VPS13B: variants seen among roughly 807,000 people sequenced by gnomAD.
VPS13B encodes vacuolar protein sorting 13 homolog B, also known as intermembrane lipid transfer protein VPS13B.
VPS13B carries 285 observed loss-of-function variants against 426.4 expected under a neutral mutation model. The observed-to-expected ratio is 0.67, with a 90% CI of 0.61 to 0.74. The LOEUF (loss-of-function observed/expected upper bound fraction) is 0.74, where lower values mean the gene tolerates loss of function less well. VPS13B is among the 30% of genes least tolerant of loss of function. The pLI, the probability that VPS13B is intolerant of heterozygous loss-of-function variation, is 0.00. For missense variants in VPS13B, 4,537 were observed against 4,782.6 expected, an observed-to-expected ratio of 0.95 and a Z score of 1.51; for synonymous variants, 1,676 against 1,676.4, an observed-to-expected ratio of 1.00 and a Z score of 0.01.
intron 3 of VPS13B, among the ~76,000 whole-genome samples, chr8:99,072,494 C>T (rs1054172211): frequency 1.3e-5 from 2 of 152,160 alleles, no homozygotes; most frequent in Non-Finnish European, 2.9e-5. Context: ...CTCTCCCACT[C>T]CTCAAGCTTA....
chr8:99,141,880 T>TA (rs371079413), intron 12 of VPS13B, among the ~76,000 whole-genome samples: 1,673 of 109,868 alleles, frequency 0.015, 13 homozygotes, highest in African/African-American at 0.032. Flanking sequence ...CTGTCTCTAC[T>TA]AAAAAAAAAA....
chr8:99,492,840 C>T (rs1820687597), intron 25 of VPS13B, among the ~76,000 whole-genome samples: 1 of 152,198 alleles, frequency 6.6e-6, no homozygotes, highest in Admixed American at 6.5e-5. Flanking sequence ...GGAGACACCC[C>T]AGCATGCTTT....
intron 3 of VPS13B, among the ~76,000 whole-genome samples, chr8:99,043,222 A>G (rs1210335214): frequency 6.6e-6 from 1 of 152,034 alleles, no homozygotes; most frequent in Admixed American, 6.6e-5. Flanking sequence ...TGATCTGGCC[A>G]TCAATGTGCT....
Position 99,202,741 on chromosome 8 carries a change from C to CA in VPS13B, c.2515+9693dup, listed in dbSNP as rs528265529. 4.4e-4 allele frequency among the ~76,000 whole-genome samples: 66 copies of CA among 150,502 alleles called. 1 individual carries two copies. The highest frequency in any genetic ancestry group is 3.2e-3 in the Middle Eastern group (1 of 316). ...ATACCAAAACCTGGCAGAGACACAA[C>CA]AAAAAAAAATGGGCGTGGTGGCTCA... On this transcript the variant is annotated intron_variant, in intron 17 of 61. Transcript: ENST00000357162.
intron 20 of VPS13B, among the ~76,000 whole-genome samples, chr8:99,388,812 G>C (rs1814267741): frequency 6.6e-6 from 1 of 152,154 alleles, no homozygotes; most frequent in African/African-American, 2.4e-5. Context: ...GTTAGAAAGT[G>C]GTTTTGTTTG....
At chr8:99,120,214 C>T (rs1380359680) in intron 7 of VPS13B, 3 of 148,374 alleles carry the variant, frequency 2.0e-5, no homozygotes, top group Non-Finnish European at 4.5e-5. Flanking sequence ...TACACCCGGA[C>T]AGTTTTTTTG....
chr8:99,229,315 G>C (rs1816191952), intron 17 of VPS13B, among the ~76,000 whole-genome samples: 1 of 152,178 alleles, frequency 6.6e-6, no homozygotes, highest in Non-Finnish European at 1.5e-5. Flanking sequence ...TTGGCTCTGG[G>C]CTTCTCCATG....
intron 17 of VPS13B, among the ~76,000 whole-genome samples, chr8:99,249,776 C>T (rs1817408112): frequency 6.6e-6 from 1 of 152,178 alleles, no homozygotes; most frequent in Admixed American, 6.5e-5. Flanking sequence ...CATGATGGCT[C>T]ATGCCTGTAA....
chr8:99,522,155 C>G (rs888523118), intron 30 of VPS13B, among the ~76,000 whole-genome samples: 2 of 152,072 alleles, frequency 1.3e-5, no homozygotes, highest in African/African-American at 4.8e-5. Flanking sequence ...TAATTCATAT[C>G]TTTTGACTCC....
intron 52 of VPS13B, among the ~76,000 whole-genome samples, chr8:99,834,702 G>A (rs2130864033): frequency 6.6e-6 from 1 of 152,202 alleles, no homozygotes; most frequent in East Asian, 1.9e-4. Context: ...GGGACCACAA[G>A]TGTGCACCAC....
At chr8:99,691,247 CTGTGTG>C (rs144300139) in intron 35 of VPS13B, among the ~76,000 whole-genome samples, 12 of 147,006 alleles carry the variant, frequency 8.2e-5, no homozygotes, top group South Asian at 2.2e-4. Flanking sequence ...GTATGGGATA[CTGTGTG>C]TGTGTGTGTG....
chr8:99,265,925 G>T (rs1818270456), intron 17 of VPS13B, among the ~76,000 whole-genome samples: 1 of 152,086 alleles, frequency 6.6e-6, no homozygotes, highest in Non-Finnish European at 1.5e-5. Flanking sequence ...TTTGGCTCTT[G>T]TCTTTTTATT....
At chr8:99,429,332 A>G (rs1816954511) in intron 21 of VPS13B, among the ~76,000 whole-genome samples, 1 of 152,042 alleles carries the variant, frequency 6.6e-6, no homozygotes. Context: ...ATATCTGATG[A>G]AAAGGATATC....
intron 29 of VPS13B, among the ~76,000 whole-genome samples, chr8:99,512,827 G>T (rs766243878): frequency 4.6e-5 from 7 of 152,094 alleles, no homozygotes; most frequent in Admixed American, 6.6e-5. Context: ...GGCCAACATG[G>T]TGAAACCCCA....
At chr8:99,328,697 G>A (rs905724813) in intron 19 of VPS13B, among the ~76,000 whole-genome samples, 10 of 152,148 alleles carry the variant, frequency 6.6e-5, no homozygotes, top group Admixed American at 4.6e-4. Flanking sequence ...TTATAAAATG[G>A]CTATTTTATG....
At chr8:99,364,053 A>G (rs1019798576) in intron 19 of VPS13B, among the ~76,000 whole-genome samples, 41 of 152,170 alleles carry the variant, frequency 2.7e-4, no homozygotes, top group African/African-American at 9.2e-4. Context: ...TTCTCAGAGG[A>G]AGGGCTTTCT....
chr8:99,214,560 C>T (rs1291337660), intron 17 of VPS13B, among the ~76,000 whole-genome samples: 3 of 152,078 alleles, frequency 2.0e-5, no homozygotes, highest in Non-Finnish European at 2.9e-5. Context: ...ATTTTGTTAA[C>T]GTGTCTCATC....
chr8:99,285,636 C>G (rs1265672544), intron 19 of VPS13B, among the ~76,000 whole-genome samples: 11 of 151,904 alleles, frequency 7.2e-5, no homozygotes, highest in Non-Finnish European at 2.9e-5. Flanking sequence ...TTTATTTTTG[C>G]AACTCATAGC....
chr8:99,451,903 C>G (rs1225841954), intron 23 of VPS13B, among the ~76,000 whole-genome samples: 1 of 152,178 alleles, frequency 6.6e-6, no homozygotes, highest in Non-Finnish European at 1.5e-5. Context: ...CATGTTTGTA[C>G]AACACAGTGC....
Sources: gnomAD v4.1 joint callset for allele counts (sites outside exome capture counted in the v4.1 genomes callset) on GRCh38, gnomAD v4.1.1 for gene constraint, MANE v1.5 for transcripts, NCBI Gene and HGNC (gene_info 2026-07-23, HGNC 2026-07-21) for gene names.